ABCA13: variants seen among roughly 807,000 people sequenced by gnomAD.
ABCA13 encodes the protein ATP binding cassette subfamily A member 13, also known as ATP-binding cassette sub-family A member 13.
In ABCA13, 476 loss-of-function variants were observed where a neutral mutation model predicts 478.7. The ratio of observed to expected loss-of-function variants is 0.99; its 90% CI spans 0.92 to 1.07. The LOEUF is 1.07. Among genes scored for constraint, ABCA13 ranks in the 50% least tolerant of loss-of-function variants. The pLI, the probability that ABCA13 is intolerant of heterozygous loss-of-function variation, is 0.00. For missense variants in ABCA13, 6,060 were observed against 5,910.6 expected (o/e 1.03, Z -0.83); for synonymous variants, 2,252 against 2,158.9 (o/e 1.04, Z -1.20).
At chr7:48,327,938 T>C (rs1203420899) in intron 27 of ABCA13, among the ~76,000 whole-genome samples, 1 of 152,200 alleles carries the variant, frequency 6.6e-6, no homozygotes, top group East Asian at 1.9e-4. Flanking sequence ...GGAAACAGCT[T>C]GGCCATCAAC....
At chr7:48,188,485 T>C (rs1000127093) in intron 1 of ABCA13, among the ~76,000 whole-genome samples, 3 of 152,206 alleles carry the variant, frequency 2.0e-5, no homozygotes, top group Non-Finnish European at 2.9e-5. Context: ...GGGGACATTG[T>C]TATGGCTTTA....
chr7:48,370,103 A>C (rs1759008405), intron 32 of ABCA13, among the ~76,000 whole-genome samples: 2 of 151,532 alleles, frequency 1.3e-5, no homozygotes. Context: ...GAGGTGGTTC[A>C]CCTCCTTGTT....
rs749688838 is a variant in ABCA13 at position 48,410,527 on chromosome 7, G to A, written c.12078G>A (p.Thr4026=). The A allele has an allele frequency of 3.0e-5, 49 of 1,613,878 alleles. No homozygotes were observed. The South Asian group carries it at 4.0e-4, about 13-fold the overall frequency. ...DILLKYREGR[T]IIFTTHHLDE... The stretch of plus-strand genomic sequence containing the variant: ...CCCTGTGCTTGGACCCAGGTCGTAC[G>A]ATCATCTTCACAACCCACCACCTGG... The change falls in exon 40 of 62, where the codon ACG becomes ACA. Residue 4026 remains threonine, a synonymous_variant. Coordinates refer to ENST00000435803, the MANE Select transcript of ABCA13 (RefSeq NM_152701.5).
chr7:48,395,460 A>G (rs1292109036), intron 38 of ABCA13, among the ~76,000 whole-genome samples: 3 of 152,202 alleles, frequency 2.0e-5, no homozygotes, highest in Non-Finnish European at 4.4e-5. Context: ...CTCTTGAACA[A>G]CACAGGTTTG....
rs772419846 is a variant in ABCA13 at position 48,507,909 on chromosome 7, A to C, written c.13384A>C (p.Ile4462Leu). ...CCGTCAGTGTGGAGTGGCCCTCTGC[A>C]TCGTGCTGGGATTCTCCATCCTGTC... ...SIRQCGVALC[I>L]VLGFSILSAS... The change falls in exon 50 of 62, where the codon ATC becomes CTC. Residue 4462 changes from isoleucine (I) to leucine (L), a missense_variant. Around this residue, in one of 3 missense-constraint regions of ABCA13, gnomAD observed 1,627 missense variants for 1,571.0 expected, o/e 1.04. Transcript: ENST00000435803. 1 of 1,612,708 alleles carries C rather than the reference A, an allele frequency of 6.2e-7. No homozygotes were observed. Among genetic ancestry groups the C allele is most frequent in the Admixed American group, 1.7e-5 (1 of 59,916 alleles).
At chr7:48,457,331 C>G (rs1341636747) in intron 43 of ABCA13, among the ~76,000 whole-genome samples, 1 of 144,310 alleles carries the variant, frequency 6.9e-6, no homozygotes, top group Non-Finnish European at 1.5e-5. Flanking sequence ...GACTTCTTCA[C>G]CCTCCTCCCC....
At chr7:48,324,773 A>G (rs1398760321) in intron 27 of ABCA13, among the ~76,000 whole-genome samples, 1 of 152,200 alleles carries the variant, frequency 6.6e-6, no homozygotes, top group Non-Finnish European at 1.5e-5. Context: ...GGATGCTCAC[A>G]TGCATGGCGT....
In ABCA13 at chr7:48,563,833, TG is replaced by T. The variant is rs1786733567; in HGVS notation, c.14355-16390del. ...GTGTGTGTGTGTGTGTGTGTGTGTG[TG>T]TGTGTTTTGCATGGCCTCATCTTTC... On this transcript the variant is annotated intron_variant, in intron 55 of 61. Transcript: ENST00000435803. Among the ~76,000 whole-genome samples the T allele has an allele frequency of 1.4e-5, 2 of 141,886 alleles. 1 individual carries two copies. Among genetic ancestry groups the T allele is most frequent in the East Asian group, 4.0e-4 (2 of 4,970 alleles). 93.1% of individuals were successfully genotyped at this position (141,886 alleles called of 152,430 possible).
chr7:48,233,704 C>T (rs1010332242), intron 7 of ABCA13, among the ~76,000 whole-genome samples: 5 of 152,152 alleles, frequency 3.3e-5, no homozygotes, highest in African/African-American at 9.7e-5. Flanking sequence ...GATTAAGCTT[C>T]TTGAGAAAGA....
chr7:48,462,694 A>G (rs1413002250), intron 43 of ABCA13, among the ~76,000 whole-genome samples: 1 of 152,092 alleles, frequency 6.6e-6, no homozygotes, highest in Non-Finnish European at 1.5e-5. Flanking sequence ...TTTTTAATAG[A>G]GACAGGGTTT....
intron 55 of ABCA13, among the ~76,000 whole-genome samples, chr7:48,544,397 C>G (rs949851712): frequency 6.6e-6 from 1 of 151,746 alleles, no homozygotes; most frequent in Non-Finnish European, 1.5e-5. Flanking sequence ...CCAGAAAGAC[C>G]AAGGCAGGAT....
intron 36 of ABCA13, among the ~76,000 whole-genome samples, chr7:48,388,415 A>G (rs1298555113): frequency 6.6e-6 from 1 of 152,012 alleles, no homozygotes; most frequent in Non-Finnish European, 1.5e-5. Context: ...ACAAATAGGG[A>G]TTGTGGTTCT....
intron 57 of ABCA13, among the ~76,000 whole-genome samples, chr7:48,590,572 CATA>C (rs1170707400): frequency 4.6e-5 from 7 of 152,114 alleles, no homozygotes; most frequent in Admixed American, 3.9e-4. Context: ...CACTGTTTTC[CATA>C]ATATGTGTAC....
intron 48 of ABCA13, among the ~76,000 whole-genome samples, chr7:48,500,949 C>T (rs144279987): frequency 4.6e-5 from 7 of 152,256 alleles, no homozygotes; most frequent in African/African-American, 1.2e-4. Flanking sequence ...CAGACTGCTG[C>T]GGCATAATGG....
intron 18 of ABCA13, 61 bp from the exon 19 acceptor site, chr7:48,281,282 A>G: frequency 7.5e-7 from 1 of 1,338,168 alleles, no homozygotes; most frequent in Non-Finnish European, 1.0e-6. Flanking sequence ...TACACAGTAG[A>G]GATGCACATG....
intron 42 of ABCA13, among the ~76,000 whole-genome samples, chr7:48,453,819 A>AC (rs1196408916): frequency 1.3e-5 from 2 of 151,912 alleles, no homozygotes; most frequent in African/African-American, 2.4e-5. Context: ...TTTTATCTCA[A>AC]CCCGTATGTT....
intron 42 of ABCA13, among the ~76,000 whole-genome samples, chr7:48,429,319 T>C (rs1028424340): frequency 5.9e-5 from 9 of 152,240 alleles, no homozygotes; most frequent in Admixed American, 1.3e-4. Flanking sequence ...TGCTGAATCA[T>C]ATGTTTCAAT....
intron 42 of ABCA13, among the ~76,000 whole-genome samples, chr7:48,449,264 A>G (rs1316286097): frequency 1.3e-5 from 2 of 151,870 alleles, no homozygotes; most frequent in Non-Finnish European, 2.9e-5. Flanking sequence ...ATTTCTCTCT[A>G]TTCCCTTTCC....
At position 48,644,558 on chromosome 7, in the gene ABCA13, A is replaced by C. The variant is rs1795310728; in HGVS notation, c.14944-59A>C. On this transcript the variant is annotated intron_variant, in intron 60 of 61. Transcript: ENST00000435803. ...TTTGCCAATTAAATGTAGTATGATC[A>C]ATTTTGTTTAATAATGCTAGTTATA... The C allele has an allele frequency of 2.0e-6, 3 of 1,516,968 alleles. No individual in the cohort carries two copies. The African/African-American group carries it at 4.3e-5, about 22-fold the overall frequency. 94.0% of individuals were successfully genotyped at this position (1,516,968 alleles called of 1,614,324 possible). A position where few individuals can be genotyped will look rare whatever the true frequency, so the allele number is the denominator to read the frequency against.
Sources: allele counts gnomAD v4.1 joint callset (sites outside exome capture counted in the v4.1 genomes callset), GRCh38; gene constraint gnomAD v4.1.1; regional missense constraint gnomAD v4.1.1; transcripts MANE v1.5; gene names NCBI Gene and HGNC (gene_info 2026-07-23, HGNC 2026-07-21).